Variants in TACR3 observed in about 807,000 individuals in gnomAD.
TACR3 encodes the protein neuromedin-K receptor.
Under a neutral mutation model 35.0 loss-of-function variants are expected in TACR3, and 34 were observed. The ratio of observed to expected loss-of-function variants is 0.97; its 90% CI spans 0.74 to 1.30. The LOEUF (loss-of-function observed/expected upper bound fraction) is 1.30, where lower values mean the gene tolerates loss of function less well. TACR3 is among the 50% of genes most tolerant of loss of function. The pLI is 0.00. For synonymous variants in TACR3, 233 were observed against 221.1 expected (o/e 1.05, Z -0.48); for missense variants, 558 against 591.7 (o/e 0.94, Z 0.59).
chr4:103,679,440 C>T lies in TACR3; in HGVS notation c.549-21037G>A, dbSNP rs529608983. Among the ~76,000 whole-genome samples, 62 of 152,078 alleles carry T rather than the reference C, an allele frequency of 4.1e-4. No individual in the cohort carries two copies. In the South Asian group the frequency reaches 0.012, roughly 29 times the overall value. The stretch of plus-strand genomic sequence containing the variant: ...ATCATCATATCTGATTCCTATAAAC[C>T]ATAACTCCAAATAAATATTTGAAGT... On this transcript the variant is annotated intron_variant, in intron 1 of 4. Coordinates refer to ENST00000304883, the MANE Select transcript of TACR3 (RefSeq NM_001059.3).
At chr4:103,706,951 T>C (rs1163371549) in intron 1 of TACR3, among the ~76,000 whole-genome samples, 1 of 152,174 alleles carries the variant, frequency 6.6e-6, no homozygotes, top group Non-Finnish European at 1.5e-5. Context: ...GAAAATATGC[T>C]TTATCCTTTC....
intron 3 of TACR3, among the ~76,000 whole-genome samples, chr4:103,630,662 G>A (rs952066279): frequency 3.3e-5 from 5 of 152,166 alleles, no homozygotes; most frequent in South Asian, 4.2e-4. Context: ...AATGGTGATC[G>A]TTAAAAAGTC....
intron 3 of TACR3, among the ~76,000 whole-genome samples, chr4:103,653,453 G>T (rs934562744): frequency 8.6e-5 from 13 of 151,768 alleles, no homozygotes; most frequent in African/African-American, 3.1e-4. Flanking sequence ...ACAATCACTG[G>T]GTTTATTTTA....
At chr4:103,608,474 T>C (rs1046445025) in intron 3 of TACR3, among the ~76,000 whole-genome samples, 1 of 152,000 alleles carries the variant, frequency 6.6e-6, no homozygotes, top group Non-Finnish European at 1.5e-5. Flanking sequence ...ACCTGGGTGA[T>C]AGAATCCAGA....
rs185537882 is a variant in TACR3, at chr4:103,685,441, C to T, written c.549-27038G>A. Among the ~76,000 whole-genome samples, 6 of 152,152 alleles carry T rather than the reference C, an allele frequency of 3.9e-5. No homozygotes were observed. In the South Asian group the frequency reaches 6.2e-4, roughly 16 times the overall value. ...AAAACCTAGGAGGAAATCTTTGTAA[C>T]CTGGACATAGGCAAATATTTCTGGG... On this transcript the variant is annotated intron_variant, in intron 1 of 4. Coordinates refer to ENST00000304883, the MANE Select transcript of TACR3 (RefSeq NM_001059.3).
intron 1 of TACR3, among the ~76,000 whole-genome samples, chr4:103,715,466 C>A (rs2110233760): frequency 6.6e-6 from 1 of 152,272 alleles, no homozygotes. Context: ...AAGCAGAAGC[C>A]ATTATGCTTC....
chr4:103,676,534 T>C (rs1435446254), intron 1 of TACR3, among the ~76,000 whole-genome samples: 1 of 152,026 alleles, frequency 6.6e-6, no homozygotes, highest in Non-Finnish European at 1.5e-5. Flanking sequence ...AAAGTGGTTC[T>C]TCAGAATAAA....
chr4:103,602,874 T>C (rs2110291974), intron 3 of TACR3, among the ~76,000 whole-genome samples: 1 of 152,318 alleles, frequency 6.6e-6, no homozygotes, highest in Non-Finnish European at 1.5e-5. Context: ...CATTCTCAGA[T>C]CTCAAGCTGC....
intron 1 of TACR3, among the ~76,000 whole-genome samples, chr4:103,677,879 A>G (rs1054320332): frequency 3.3e-5 from 5 of 152,052 alleles, no homozygotes; most frequent in Non-Finnish European, 7.4e-5. Flanking sequence ...AAAGCTGGAA[A>G]TAAGAAAAAA....
intron 3 of TACR3, among the ~76,000 whole-genome samples, chr4:103,598,156 G>C (rs1010157487): frequency 2.6e-5 from 4 of 152,178 alleles, no homozygotes; most frequent in Non-Finnish European, 4.4e-5. Context: ...TAACTGGTGT[G>C]AGATGGTATC....
intron 1 of TACR3, among the ~76,000 whole-genome samples, chr4:103,682,108 C>T (rs1722108217): frequency 6.6e-6 from 1 of 152,078 alleles, no homozygotes; most frequent in African/African-American, 2.4e-5. Context: ...TTATTCTGGT[C>T]TGTAAAACAA....
At chr4:103,694,409 C>G (rs1421521589) in intron 1 of TACR3, among the ~76,000 whole-genome samples, 3 of 152,106 alleles carry the variant, frequency 2.0e-5, no homozygotes, top group Admixed American at 2.0e-4. Flanking sequence ...AGCCTGAGTT[C>G]CAGGTGGACT....
chr4:103,620,440 GAC>G (rs1409113036), intron 3 of TACR3, among the ~76,000 whole-genome samples: 2 of 152,134 alleles, frequency 1.3e-5, no homozygotes, highest in Non-Finnish European at 2.9e-5. Context: ...CTACCTAAAA[GAC>G]ACATACGTTC....
At chr4:103,692,823 G>A (rs766062820) in intron 1 of TACR3, among the ~76,000 whole-genome samples, 1 of 152,108 alleles carries the variant, frequency 6.6e-6, no homozygotes, top group Non-Finnish European at 1.5e-5. Flanking sequence ...GAGGGGCCAG[G>A]TTACTGCTAA....
In TACR3 at chr4:103,589,557, T is replaced by C. The variant is rs201125726; in HGVS notation, c.*125A>G. On this transcript the variant is annotated 3_prime_UTR_variant, in exon 5 of 5. Transcript: ENST00000304883. ...TACACTACCTTTCTCAATTTGACCATAGCTGCCTAAAAATTGCTTTCTGTT... is the reference window on the plus strand; with the variant it reads ...TACACTACCTTTCTCAATTTGACCACAGCTGCCTAAAAATTGCTTTCTGTT... 6.7e-4 allele frequency: 696 copies of C among 1,043,448 alleles called. 12 individuals are homozygous for C. The South Asian group carries it at 8.9e-3, about 13-fold the overall frequency. 64.6% of individuals were successfully genotyped at this position (1,043,448 alleles called of 1,614,324 possible). A position where few individuals can be genotyped will look rare whatever the true frequency, so the allele number is the denominator to read the frequency against.
intron 3 of TACR3, among the ~76,000 whole-genome samples, chr4:103,608,088 A>G (rs530428012): frequency 1.1e-4 from 16 of 152,282 alleles, no homozygotes; most frequent in African/African-American, 2.9e-4. Flanking sequence ...AAATCATTCT[A>G]TCAAAATGAC....
At chr4:103,595,163 G>A (rs143433840) in intron 3 of TACR3, among the ~76,000 whole-genome samples, 11 of 152,278 alleles carry the variant, frequency 7.2e-5, no homozygotes, top group African/African-American at 2.6e-4. Context: ...AGTTACCACT[G>A]TATTGCATGG....
At position 103,658,101 on chromosome 4, in the gene TACR3, A is replaced by C. The variant is rs1431814249; in HGVS notation, c.737+114T>G. 8.5e-6 allele frequency: 9 copies of C among 1,055,924 alleles called. No homozygotes were observed. In the East Asian group the frequency reaches 2.3e-4, roughly 27 times the overall value. The allele number at this position is 1,055,924 out of a possible 1,614,324, so 65.4% of individuals were successfully genotyped here. On this transcript the variant is annotated intron_variant, in intron 2 of 4. Transcript: ENST00000304883. Reference sequence around the variant, plus strand: ...TATTTTTATATATTTCCTTTTCCAAATAATGTATGAACCCTGGGGGAAATG... The same window carrying C: ...TATTTTTATATATTTCCTTTTCCAACTAATGTATGAACCCTGGGGGAAATG...
chr4:103,592,035 C>T (rs181927270), intron 3 of TACR3, among the ~76,000 whole-genome samples: 78 of 152,194 alleles, frequency 5.1e-4, no homozygotes, highest in African/African-American at 1.7e-3. Context: ...CTGCATTGTA[C>T]GATAGTGGAG....
Sources: allele counts gnomAD v4.1 joint callset (sites outside exome capture counted in the v4.1 genomes callset), GRCh38; gene constraint gnomAD v4.1.1; transcripts MANE v1.5; gene names NCBI Gene and HGNC (gene_info 2026-07-23, HGNC 2026-07-21).